The following SNTB1 variants were observed in gnomAD, a reference collection of about 807,000 sequenced individuals.
SNTB1 encodes the protein beta-1-syntrophin.
SNTB1 carries 36 observed loss-of-function variants against 48.9 expected under a neutral mutation model. The observed-to-expected ratio is 0.74, with a 90% confidence interval of 0.56 to 0.97. SNTB1 has a LOEUF of 0.97. Ranked by LOEUF, SNTB1 falls within the 50% of genes least tolerant of loss-of-function variation. The probability of loss-of-function intolerance (pLI) is 0.00; values close to 1 mark genes in which losing one functional copy is unlikely to be tolerated. For synonymous variants in SNTB1, 299 were observed against 294.6 expected (o/e 1.01, Z -0.15); for missense variants, 786 against 703.4 (o/e 1.12, Z -1.33).
intron 1 of SNTB1, among the ~76,000 whole-genome samples, chr8:120,749,661 A>G (rs1480733328): frequency 6.6e-6 from 1 of 152,158 alleles, no homozygotes; most frequent in East Asian, 1.9e-4. Flanking sequence ...GTTTGCAAAA[A>G]AGGAAACTGA....
intron 1 of SNTB1, among the ~76,000 whole-genome samples, chr8:120,719,178 GT>G (rs1472572899): frequency 1.3e-5 from 2 of 152,188 alleles, no homozygotes; most frequent in African/African-American, 4.8e-5. Context: ...TAACATTTGA[GT>G]CAGTGGGCTG....
intron 1 of SNTB1, among the ~76,000 whole-genome samples, chr8:120,752,182 A>C (rs1021438225): frequency 6.6e-6 from 1 of 152,120 alleles, no homozygotes; most frequent in Non-Finnish European, 1.5e-5. Flanking sequence ...AGGGAATGAA[A>C]ATCCAATTGG....
intron 2 of SNTB1, among the ~76,000 whole-genome samples, chr8:120,646,040 C>T (rs1446497413): frequency 1.3e-5 from 2 of 149,604 alleles, no homozygotes; most frequent in African/African-American, 4.9e-5. Context: ...GCTGAAGTTG[C>T]TTATCAGCTT....
rs755720873 is a variant in SNTB1, at chr8:120,702,449, C to T, written c.572-8541G>A. ...TGTTCTCTCCTGCCTCTGTTCTTTG[C>T]ACATGTGGTTTCCTCCACGTGGAAA... is the stretch of plus-strand genomic sequence containing the variant. On this transcript the variant is annotated intron_variant, in intron 1 of 6. Transcript: ENST00000517992. Among the ~76,000 whole-genome samples the T allele has an allele frequency of 2.0e-5, 3 of 152,182 alleles. No homozygotes were observed. The East Asian group carries it at 5.8e-4, about 29-fold the overall frequency.
rs1003763353 is a variant in SNTB1, at chr8:120,563,464, T to C, written c.1136+11622A>G. ...CACCAATGGACTCATAGGGGCACCA[T>C]TGAAGTTTGGCAGTGGAAGAGGAGA... On this transcript the variant is annotated intron_variant, in intron 4 of 6. Transcript: ENST00000517992. 3.9e-5 allele frequency among the ~76,000 whole-genome samples: 6 copies of C among 152,268 alleles called. No homozygotes were observed. The South Asian group carries it at 6.2e-4, about 16-fold the overall frequency.
rs1198612265 is a variant in SNTB1, at chr8:120,812,004, G to T, written c.-161C>A. 7 of 1,267,416 alleles carry T rather than the reference G, an allele frequency of 5.5e-6. No homozygotes were observed. Among genetic ancestry groups the T allele is most frequent in the Non-Finnish European group, 6.9e-6 (7 of 1,012,368 alleles). The allele number at this position is 1,267,416 out of a possible 1,614,324, so 78.5% of individuals were successfully genotyped here. ...GCTCCGGGAGTTCGCAGACGCACTC[G>T]GCGGGAGTTGGCAGCTGCACTCAGG... On this transcript the variant is annotated 5_prime_UTR_variant, in exon 1 of 7. Transcript: ENST00000517992.
At chr8:120,745,981 G>A (rs1819119178) in intron 1 of SNTB1, among the ~76,000 whole-genome samples, 1 of 152,206 alleles carries the variant, frequency 6.6e-6, no homozygotes, top group Non-Finnish European at 1.5e-5. Context: ...CCCCAGCTCT[G>A]TGGGTCCAAT....
chr8:120,802,257 T>A (rs1244205062), intron 1 of SNTB1, among the ~76,000 whole-genome samples: 2 of 152,168 alleles, frequency 1.3e-5, no homozygotes, highest in Non-Finnish European at 2.9e-5. Flanking sequence ...TTTTTTCGGT[T>A]AATAATATTT....
At chr8:120,766,878 C>T (rs139570956) in intron 1 of SNTB1, among the ~76,000 whole-genome samples, 5 of 152,300 alleles carry the variant, frequency 3.3e-5, no homozygotes, top group Non-Finnish European at 5.9e-5. Context: ...GTTTCTCTTC[C>T]ACTATTTCTT....
At chr8:120,687,546 C>A (rs745311502) in intron 2 of SNTB1, among the ~76,000 whole-genome samples, 7 of 152,210 alleles carry the variant, frequency 4.6e-5, no homozygotes, top group Non-Finnish European at 8.8e-5. Flanking sequence ...TTTCAGCTTA[C>A]TTGCCTAAAA....
chr8:120,792,059 C>T lies in SNTB1; in HGVS notation c.571+19214G>A, dbSNP rs894417210. ...GGAAATGACTGAAATGCTCATCAAC[C>T]GATGAGTGGGTACCACTCATATATA... On this transcript the variant is annotated intron_variant, in intron 1 of 6. Transcript: ENST00000517992. Among the ~76,000 whole-genome samples the T allele has an allele frequency of 7.3e-5, 11 of 151,422 alleles. No individual in the cohort carries two copies. The East Asian group carries it at 1.9e-3, about 27-fold the overall frequency.
At chr8:120,664,404 T>C (rs1052855446) in intron 2 of SNTB1, among the ~76,000 whole-genome samples, 2 of 152,226 alleles carry the variant, frequency 1.3e-5, no homozygotes, top group African/African-American at 4.8e-5. Context: ...ATGCAATAAA[T>C]TGGACATACT....
intron 2 of SNTB1, among the ~76,000 whole-genome samples, chr8:120,651,572 GT>G (rs1817411656): frequency 6.6e-6 from 1 of 152,118 alleles, no homozygotes; most frequent in South Asian, 2.1e-4. Flanking sequence ...TTTTTAGTAG[GT>G]TTTTGCTGAT....
chr8:120,721,719 G>A (rs1818661420), intron 1 of SNTB1, among the ~76,000 whole-genome samples: 1 of 152,010 alleles, frequency 6.6e-6, no homozygotes, highest in South Asian at 2.1e-4. Flanking sequence ...GAGACCATTA[G>A]TTTATTTTTT....
intron 3 of SNTB1, among the ~76,000 whole-genome samples, chr8:120,608,910 T>C (rs1010471382): frequency 1.3e-5 from 2 of 152,196 alleles, no homozygotes; most frequent in African/African-American, 4.8e-5. Flanking sequence ...GAGTATTAAA[T>C]GGATTTTTAA....
At chr8:120,570,914 G>A (rs1197858342) in intron 4 of SNTB1, 1 of 178,408 alleles carries the variant, frequency 5.6e-6, no homozygotes, top group African/African-American at 2.4e-5. Context: ...TGTCCAGGCA[G>A]AGTTTGGCAT....
At chr8:120,749,188 G>A (rs1446881878) in intron 1 of SNTB1, among the ~76,000 whole-genome samples, 2 of 152,180 alleles carry the variant, frequency 1.3e-5, no homozygotes, top group African/African-American at 2.4e-5. Context: ...TTAGTTAGGA[G>A]GTCTCGGCTG....
intron 3 of SNTB1, among the ~76,000 whole-genome samples, chr8:120,616,667 ATAT>A (rs926193738): frequency 6.6e-5 from 10 of 152,172 alleles, no homozygotes; most frequent in African/African-American, 1.9e-4. Flanking sequence ...AACAAATATA[ATAT>A]TATGTTTAAA....
intron 6 of SNTB1, chr8:120,541,136 A>C (rs1012027348): frequency 1.3e-5 from 2 of 152,248 alleles, no homozygotes; most frequent in Non-Finnish European, 2.9e-5. Flanking sequence ...AAGTGAAGTC[A>C]TATACTTTTT....
Sources: gnomAD v4.1 joint callset for allele counts (sites outside exome capture counted in the v4.1 genomes callset) on GRCh38, gnomAD v4.1.1 for gene constraint, MANE v1.5 for transcripts, NCBI Gene and HGNC (gene_info 2026-07-23, HGNC 2026-07-21) for gene names.